Variants in MLST8 observed in about 807,000 individuals in gnomAD.
MLST8 encodes the protein MTOR associated protein MLST8, also known as target of rapamycin complex subunit LST8.
Under a neutral mutation model 41.3 loss-of-function variants are expected in MLST8, and 20 were observed. That is an observed-to-expected ratio of 0.48 (90% confidence interval 0.34 to 0.70). MLST8 has a LOEUF of 0.70. Ranked by LOEUF, MLST8 falls within the 30% of genes least tolerant of loss-of-function variation. MLST8 has a pLI of 0.01. For synonymous variants in MLST8, 243 were observed against 183.0 expected, an observed-to-expected ratio of 1.33 and a Z score of -2.65; for missense variants, 422 against 454.3, an observed-to-expected ratio of 0.93 and a Z score of 0.65.
rs561967169 is a variant in MLST8 at position 2,209,422 on chromosome 16, G to T, written c.*545G>T. 2.5e-6 allele frequency: 4 copies of T among 1,613,790 alleles called. No homozygotes were observed. The highest frequency in any genetic ancestry group is 1.6e-4 in the Middle Eastern group (1 of 6,062). Reference sequence around the variant, plus strand: ...AGATGTTGCTCGGGAAGCAGATGTCGATGCAGAGATAAATCAGCCGCTGTC... The same window carrying T: ...AGATGTTGCTCGGGAAGCAGATGTCTATGCAGAGATAAATCAGCCGCTGTC... On this transcript the variant is annotated 3_prime_UTR_variant, in exon 9 of 9. Transcript: ENST00000569417.
chr16:2,205,656 T>G, intron 1 of MLST8, 144 bp downstream of exon 1: 1 of 986,622 alleles, frequency 1.0e-6, no homozygotes, highest in Non-Finnish European at 1.2e-6. Context: ...CTGCGCCCTT[T>G]CCCATCAGGG....
chr16:2,207,399 C>T (rs2093313014), intron 6 of MLST8, 54 bp downstream of exon 6: 4 of 1,587,648 alleles, frequency 2.5e-6, no homozygotes, highest in South Asian at 2.3e-5. Flanking sequence ...CAGCCCTCAG[C>T]CTCTGCAGGT....
intron 1 of MLST8, 111 bp from the exon 2 acceptor site, chr16:2,205,920 T>C (rs2141356237): frequency 6.9e-7 from 1 of 1,441,362 alleles, no homozygotes; most frequent in African/African-American, 1.4e-5. Flanking sequence ...CTGCGCTTCT[T>C]GTCCCAACTC....
In MLST8 at chr16:2,206,072, G is replaced by A. The variant is rs376537102; in HGVS notation, c.-14G>A. ...CCCCTGCCGTTCAGCTCTAGGGCCC[G>A]TGCAGGCCACACCATGAACACCTCC... is the stretch of plus-strand genomic sequence containing the variant. On this transcript the variant is annotated 5_prime_UTR_variant, in exon 2 of 9. The change creates a new upstream start codon in the 5' untranslated region. Transcript: ENST00000569417. The A allele has an allele frequency of 1.0e-5, 16 of 1,585,822 alleles. No individual in the cohort carries two copies. Among genetic ancestry groups the A allele is most frequent in the Non-Finnish European group, 1.3e-5 (15 of 1,162,766 alleles).
intron 6 of MLST8, chr16:2,207,993 C>A (rs1345873792): frequency 1.3e-5 from 6 of 472,902 alleles, no homozygotes; most frequent in Non-Finnish European, 1.5e-5. Flanking sequence ...GAGTCCTTGG[C>A]CAGGCGTGGC....
rs2093336995 is a variant in MLST8, at chr16:2,208,287, T to C, written c.651T>C (p.Pro217=). 6.2e-7 allele frequency: 1 copy of C among 1,613,358 alleles called. No individual in the cohort carries two copies. Among genetic ancestry groups the C allele is most frequent in the Admixed American group, 1.7e-5 (1 of 59,982 alleles). The change falls in exon 7 of 9, where the codon CCT becomes CCC. Residue 217 remains proline (P), a synonymous_variant. Transcript: ENST00000569417. ...VTQLIPKTKI[P]AHTRYALQCR... Reference sequence around the variant, plus strand: ...AGCTCATCCCCAAGACTAAGATCCCTGCCCACACGCGCTACGCCCTGCAGT... The same window carrying C: ...AGCTCATCCCCAAGACTAAGATCCCCGCCCACACGCGCTACGCCCTGCAGT...
chr16:2,208,648 C>T (rs1394878843), intron 8 of MLST8, 35 bp downstream of exon 8: 2 of 1,611,950 alleles, frequency 1.2e-6, no homozygotes, highest in African/African-American at 2.7e-5. Flanking sequence ...ATCCCTGGCC[C>T]CCGGCGCTGG....
intron 1 of MLST8, 104 bp from the exon 2 acceptor site, chr16:2,205,927 A>C (rs548989571): frequency 1.4e-6 from 2 of 1,442,878 alleles, no homozygotes; most frequent in Admixed American, 2.4e-5. Flanking sequence ...TCTTGTCCCA[A>C]CTCTAAAATG....
chr16:2,206,819 C>T lies in MLST8; in HGVS notation c.344+160C>T, dbSNP rs905518751. On this transcript the variant is annotated intron_variant, in intron 4 of 8. Coordinates refer to ENST00000569417, the MANE Select transcript of MLST8 (RefSeq NM_022372.6). ...AGGAGGAGAGTGAATTGCATCAGAG[C>T]GCGAGTCCTGCCTTGAGCCCGGAGC... 1.4e-5 allele frequency: 14 copies of T among 1,025,802 alleles called. No individual in the cohort carries two copies. The Middle Eastern group carries it at 8.0e-4, about 59-fold the overall frequency. 63.5% of individuals were successfully genotyped at this position (1,025,802 alleles called of 1,614,324 possible).
rs1567281810 is a variant in MLST8, at chr16:2,208,868, G to A, written c.972G>A (p.Val324=). The A allele has an allele frequency of 6.2e-7, 1 of 1,613,352 alleles. No homozygotes were observed. The highest frequency in any genetic ancestry group is 1.7e-4 in the Middle Eastern group (1 of 6,060). Residue 324 remains valine, a synonymous_variant, in exon 9 of 9, where the codon GTG becomes GTA. Transcript: ENST00000569417. ...AVVCLAFNDS[V]LG ...TCTGCCTGGCCTTCAATGACAGTGT[G>A]CTGGGCTAGCCTGTGACCCCTCGGG... is the stretch of plus-strand genomic sequence containing the variant.
rs758433200 is a variant in MLST8, at chr16:2,206,547, A to T, written c.232A>T (p.Ile78Phe). 3 of 1,613,808 alleles carry T rather than the reference A, an allele frequency of 1.9e-6. No homozygotes were observed. Residue 78 changes from isoleucine to phenylalanine, a missense_variant, in exon 4 of 9, where the codon ATC becomes TTC. By Grantham distance (21) the Ile-to-Phe change is conservative (BLOSUM62 0). Transcript: ENST00000569417. The part of the protein sequence containing the change: ...YDLNSNNPNP[I>F]ISYDGVNKNI... The stretch of plus-strand genomic sequence containing the variant: ...TCTCAACTCCAATAACCCTAACCCC[A>T]TCATCAGCTACGACGGCGTCAACAA...
At chr16:2,206,838 C>A in intron 4 of MLST8, 179 bp downstream of exon 4, 1 of 1,017,126 alleles carries the variant, frequency 9.8e-7, no homozygotes, top group Non-Finnish European at 1.5e-6. Flanking sequence ...TGCCTTGAGC[C>A]CGGAGCCAGC....
intron 6 of MLST8, 163 bp downstream of exon 6, chr16:2,207,508 C>A: frequency 2.5e-6 from 2 of 813,794 alleles, no homozygotes; most frequent in Non-Finnish European, 3.8e-6. Context: ...CTTAGTGTCG[C>A]TCCCGATGGC....
chr16:2,206,832 T>C (rs1009283087), intron 4 of MLST8, 173 bp downstream of exon 4: 2 of 1,027,014 alleles, frequency 1.9e-6, no homozygotes, highest in Non-Finnish European at 3.0e-6. Flanking sequence ...GAGTCCTGCC[T>C]TGAGCCCGGA....
In MLST8 at chr16:2,208,561, C is replaced by T. The variant is rs372845224; in HGVS notation, c.810C>T (p.Arg270=). ...IKSGNPGESS[R]GWMWGCAFSG... ...GCGGCAACCCCGGGGAGTCCTCCCG[C>T]GGCTGGATGTGGGGCTGCGCCTTCT... Residue 270 remains arginine (R), a synonymous_variant, in exon 8 of 9, where the codon CGC becomes CGT. Transcript: ENST00000569417. 37 of 1,612,858 alleles carry T rather than the reference C, an allele frequency of 2.3e-5. 1 individual carries two copies. Among genetic ancestry groups the T allele is most frequent in the African/African-American group, 1.5e-4 (11 of 75,012 alleles).
intron 1 of MLST8, chr16:2,205,716 C>T: frequency 1.0e-6 from 1 of 1,002,312 alleles, no homozygotes; most frequent in Non-Finnish European, 1.2e-6. Flanking sequence ...CGGCTTTCCC[C>T]GGCCCATCCG....
At chr16:2,207,962 A>C in intron 6 of MLST8, 1 of 412,624 alleles carries the variant, frequency 2.4e-6, no homozygotes, top group Non-Finnish European at 4.3e-6. Context: ...GGCCATCGGC[A>C]TCCTCCAGGA....
intron 6 of MLST8, chr16:2,207,570 C>T (rs922029124): frequency 7.0e-5 from 40 of 574,668 alleles, no homozygotes; most frequent in Middle Eastern, 8.9e-4. Flanking sequence ...TCTCCCAAGT[C>T]GATCCACTTC....
At chr16:2,205,714 C>T (rs765431455) in intron 1 of MLST8, 48 of 1,001,468 alleles carry the variant, frequency 4.8e-5, no homozygotes, top group Non-Finnish European at 5.6e-5. Flanking sequence ...CTCGGCTTTC[C>T]CCGGCCCATC....
Sources: allele counts gnomAD v4.1 joint callset, GRCh38; gene constraint gnomAD v4.1.1; transcripts MANE v1.5; gene names NCBI Gene and HGNC (gene_info 2026-07-23, HGNC 2026-07-21).